The following IQSEC1 variants were observed in gnomAD, a reference collection of about 807,000 sequenced individuals.
The protein encoded by IQSEC1 is IQ motif and Sec7 domain ArfGEF 1.
A neutral mutation model predicts 91.0 loss-of-function variants in IQSEC1; 31 were observed. That is an observed-to-expected ratio of 0.34 (90% CI 0.26 to 0.46). The LOEUF (loss-of-function observed/expected upper bound fraction) is 0.46, where lower values mean the gene tolerates loss of function less well. Among genes scored for constraint, IQSEC1 ranks in the 20% least tolerant of loss-of-function variants. IQSEC1 has a pLI of 1.00. For missense variants in IQSEC1, 1,388 were observed against 1,575.6 expected (o/e 0.88, Z 2.02); for synonymous variants, 699 against 662.6 (o/e 1.05, Z -0.84).
intron 1 of IQSEC1, among the ~76,000 whole-genome samples, chr3:13,188,330 G>A (rs1294610928): frequency 2.0e-5 from 3 of 152,182 alleles, no homozygotes; most frequent in Non-Finnish European, 4.4e-5. Flanking sequence ...AAGACAGCAT[G>A]TGATCCCAGA....
intron 1 of IQSEC1, among the ~76,000 whole-genome samples, chr3:12,961,442 C>G (rs535910272): frequency 6.6e-6 from 1 of 152,366 alleles, no homozygotes; most frequent in African/African-American, 2.4e-5. Context: ...CCTTAACCAT[C>G]CACTTCTTTG....
intron 1 of IQSEC1, among the ~76,000 whole-genome samples, chr3:13,007,883 C>T (rs1439819292): frequency 6.6e-6 from 1 of 152,118 alleles, no homozygotes; most frequent in Non-Finnish European, 1.5e-5. Context: ...GCCCCCAGCA[C>T]GTCCAGCTTA....
chr3:13,128,825 C>T (rs753601297), intron 2 of IQSEC1, among the ~76,000 whole-genome samples: 1 of 145,058 alleles, frequency 6.9e-6, no homozygotes, highest in African/African-American at 2.7e-5. Flanking sequence ...TGCAGTGAGC[C>T]GAGATTGCAC....
At chr3:13,154,432 T>TACATATATATATATATATATACAC in intron 2 of IQSEC1, among the ~76,000 whole-genome samples, 1 of 45,742 alleles carries the variant, frequency 2.2e-5, no homozygotes, top group Admixed American at 3.2e-4. Context: ...AGCTGGAACT[T>TACATATATATATATATATATACAC]ACATGCATAT....
chr3:13,068,146 G>A (rs918172765), intron 1 of IQSEC1, among the ~76,000 whole-genome samples: 15 of 152,244 alleles, frequency 9.9e-5, no homozygotes, highest in Non-Finnish European at 1.5e-4. Context: ...GTCCTGCCCC[G>A]GGGCTGGGGC....
chr3:13,189,355 C>CA (rs1693982835), intron 1 of IQSEC1, among the ~76,000 whole-genome samples: 2 of 152,190 alleles, frequency 1.3e-5, no homozygotes, highest in Admixed American at 6.5e-5. Flanking sequence ...AATCCCCATT[C>CA]ATCCCCAGCT....
At chr3:13,153,272 C>T (rs1707030505) in intron 2 of IQSEC1, among the ~76,000 whole-genome samples, 1 of 152,172 alleles carries the variant, frequency 6.6e-6, no homozygotes, top group African/African-American at 2.4e-5. Context: ...GCAACCCCTG[C>T]AGGACTGCTC....
chr3:13,174,837 C>A (rs111887666), intron 1 of IQSEC1, among the ~76,000 whole-genome samples: 378 of 148,700 alleles, frequency 2.5e-3, no homozygotes, highest in African/African-American at 9.1e-3. Flanking sequence ...TTCTGCTCCC[C>A]CCCCCCACCT....
At chr3:13,038,205 T>C (rs201524649) in intron 1 of IQSEC1, among the ~76,000 whole-genome samples, 1 of 145,986 alleles carries the variant, frequency 6.8e-6, no homozygotes, top group Admixed American at 6.9e-5. Context: ...TGTATAAAAA[T>C]ATATAGAAAT....
chr3:12,989,246 C>G (rs1701881468), intron 1 of IQSEC1, among the ~76,000 whole-genome samples: 2 of 152,190 alleles, frequency 1.3e-5, no homozygotes, highest in Admixed American at 1.3e-4. Flanking sequence ...AACCCCAGCA[C>G]CAAACTGAAA....
rs57912681 is a variant in IQSEC1 at position 13,191,477 on chromosome 3, A to AT, written c.273-27345dup. Among the ~76,000 whole-genome samples, 838 of 92,080 alleles carry AT rather than the reference A, an allele frequency of 9.1e-3. 59 individuals carry two copies. Among genetic ancestry groups the AT allele is most frequent in the East Asian group, 0.027 (68 of 2,554 alleles). The allele number at this position is 92,080 out of a possible 152,430, so 60.4% of individuals were successfully genotyped here. A position where few individuals can be genotyped will look rare whatever the true frequency, so the allele number is the denominator to read the frequency against. On this transcript the variant is annotated intron_variant, in intron 1 of 15. Coordinates refer to the IQSEC1 transcript ENST00000648114. ...AGCTCCCAGTCCCCACACCCAGCTA[A>AT]TTTTTTTTTTTTTTTTTTTTTTTTT...
At position 12,901,522 on chromosome 3, in the gene IQSEC1, C is replaced by T. The variant is rs1694304979; in HGVS notation, c.2806G>A (p.Gly936Arg). 2 of 1,544,988 alleles carry T rather than the reference C, an allele frequency of 1.3e-6. No homozygotes were observed. Among genetic ancestry groups the T allele is most frequent in the Admixed American group, 2.0e-5 (1 of 49,732 alleles). ...SAGSLESNVEGSIISSPHMRR... is the reference protein window; with the variant it reads ...SAGSLESNVERSIISSPHMRR... The stretch of plus-strand genomic sequence containing the variant: ...ATGTGAGGACTGCTAATGATGGACC[C>T]CTAAAAAGGAAATTCATAGAAATCA... The change falls in exon 14 of 14, where the codon GGG becomes AGG. Residue 936 changes from glycine (G) to arginine (R), a missense_variant and splice_region_variant. Transcript: ENST00000613206.
At chr3:13,014,341 G>A (rs1010072242) in intron 1 of IQSEC1, among the ~76,000 whole-genome samples, 2 of 152,300 alleles carry the variant, frequency 1.3e-5, no homozygotes, top group African/African-American at 2.4e-5. Context: ...GAGGACTTTC[G>A]CTATGGGTTA....
intron 2 of IQSEC1, among the ~76,000 whole-genome samples, chr3:13,095,418 A>G (rs1705937491): frequency 6.6e-6 from 1 of 152,122 alleles, no homozygotes. Flanking sequence ...GCGCTCCTTT[A>G]GGGAAGTGCT....
At chr3:13,194,236 CA>C (rs1694086272) in intron 1 of IQSEC1, among the ~76,000 whole-genome samples, 1 of 152,100 alleles carries the variant, frequency 6.6e-6, no homozygotes, top group Non-Finnish European at 1.5e-5. Context: ...CAGCCGGGAG[CA>C]GTTGGAATGA....
rs116623735 is a variant in IQSEC1 at position 13,134,075 on chromosome 3, A to G, written c.302+30029T>C. Among the ~76,000 whole-genome samples, 832 of 152,328 alleles carry G rather than the reference A, an allele frequency of 5.5e-3. 14 individuals are homozygous for G. The highest frequency in any genetic ancestry group is 0.019 in the African/African-American group (796 of 41,572). ...ACGAAAATGGGTCAGTGGAAAGAAA[A>G]AAGGTATCAAGACCACACCTCCATT... On this transcript the variant is annotated intron_variant, in intron 2 of 15. Transcript: ENST00000648114.
intron 1 of IQSEC1, among the ~76,000 whole-genome samples, chr3:13,030,654 A>C (rs1056066744): frequency 3.3e-5 from 5 of 152,234 alleles, no homozygotes; most frequent in Non-Finnish European, 7.3e-5. Context: ...GCAAGGATGA[A>C]AAAGGAAGGG....
rs147769833 is a variant in IQSEC1, at chr3:13,271,065, G to C, written c.272+11646C>G. ...AGAAGGACATTTCATAATGATAAAA[G>C]GGACAATCCATTAAGAAGACACAAT... On this transcript the variant is annotated intron_variant, in intron 1 of 15. Transcript: ENST00000648114. Among the ~76,000 whole-genome samples, 946 of 152,238 alleles carry C rather than the reference G, an allele frequency of 6.2e-3. 3 individuals are homozygous for C. Among genetic ancestry groups the C allele is most frequent in the Non-Finnish European group, 8.5e-3 (581 of 68,014 alleles).
chr3:13,176,910 A>G (rs1693741037), intron 1 of IQSEC1, among the ~76,000 whole-genome samples: 1 of 152,254 alleles, frequency 6.6e-6, no homozygotes, highest in African/African-American at 2.4e-5. Context: ...TGAAGTACTG[A>G]TACATACAAA....
Sources: allele counts gnomAD v4.1 joint callset (sites outside exome capture counted in the v4.1 genomes callset), GRCh38; gene constraint gnomAD v4.1.1; transcripts MANE v1.5; gene names NCBI Gene and HGNC (gene_info 2026-07-23, HGNC 2026-07-21).